The following SBNO2 variants were observed in gnomAD, a reference collection of about 807,000 sequenced individuals.
SBNO2 encodes strawberry notch homolog 2, also known as protein strawberry notch homolog 2.
Under a neutral mutation model 146.3 loss-of-function variants are expected in SBNO2, and 89 were observed. The ratio of observed to expected loss-of-function variants is 0.61; its 90% confidence interval spans 0.51 to 0.73. SBNO2 has a LOEUF of 0.73. Among genes scored for constraint, SBNO2 ranks in the 30% least tolerant of loss-of-function variants. SBNO2 has a pLI of 0.00. For missense variants in SBNO2, 2,092 were observed against 2,003.7 expected (o/e 1.04, Z -0.84); for synonymous variants, 1,147 against 892.6 (o/e 1.29, Z -5.08).
chr19:1,135,856 A>C (rs2080080316), intron 4 of SBNO2, among the ~76,000 whole-genome samples: 1 of 152,076 alleles, frequency 6.6e-6, no homozygotes, highest in Admixed American at 6.5e-5. Context: ...AGACACTGCC[A>C]GTCTTTGGTG....
At chr19:1,166,065 A>AT (rs2080418813) in intron 1 of SBNO2, among the ~76,000 whole-genome samples, 1 of 39,660 alleles carries the variant, frequency 2.5e-5, no homozygotes, top group Non-Finnish European at 5.3e-5. Flanking sequence ...CAGACCCCAG[A>AT]CCCCCAGATC....
At chr19:1,152,207 G>A (rs1337313271) in intron 2 of SBNO2, among the ~76,000 whole-genome samples, 1 of 152,172 alleles carries the variant, frequency 6.6e-6, no homozygotes, top group Non-Finnish European at 1.5e-5. Context: ...CAGCCCTGTC[G>A]CATTCCCCGA....
intron 1 of SBNO2, chr19:1,168,587 G>A (rs2080448020): frequency 1.3e-5 from 2 of 152,270 alleles, no homozygotes; most frequent in Non-Finnish European, 2.9e-5. Flanking sequence ...GCGTAGGGAG[G>A]CTGCGGTCAC....
rs536000246 is a variant in SBNO2, at chr19:1,160,131, G to A, written c.-126-5729C>T. Among the ~76,000 whole-genome samples the A allele has an allele frequency of 7.2e-5, 11 of 152,286 alleles. No homozygotes were observed. The East Asian group carries it at 7.7e-4, about 11-fold the overall frequency. On this transcript the variant is annotated intron_variant, in intron 1 of 31. Transcript: ENST00000361757. ...CTGTGGGTGCTGGTGGGCAGCTTGC[G>A]CCTGGCACCTGTTTGTGATGGGGGA...
At chr19:1,113,011 C>A in intron 19 of SBNO2, 62 bp from the exon 20 acceptor site, 6 of 1,501,292 alleles carry the variant, frequency 4.0e-6, no homozygotes, top group Non-Finnish European at 5.4e-6. Context: ...AGTCTGGCCA[C>A]CCGTGTCTCA....
chr19:1,109,705 T>G lies in SBNO2; in HGVS notation c.3101A>C (p.Asp1034Ala), dbSNP rs1309480580. The G allele has an allele frequency of 6.2e-7, 1 of 1,603,514 alleles. No individual in the cohort carries two copies. The highest frequency in any genetic ancestry group is 8.5e-7 in the Non-Finnish European group (1 of 1,174,232). Residue 1034 changes from aspartate to alanine, a missense_variant, in exon 27 of 32, where the codon GAC becomes GCC. Physicochemically the swap from Asp to Ala is moderately radical, Grantham distance 126. Coordinates refer to ENST00000361757, the MANE Select transcript of SBNO2 (RefSeq NM_014963.3). This position sits in a 1 kb window ranked among gnomAD's most constrained non-coding sequence, Gnocchi z 4.2. ...GACCTTGTAGAAGACCACCTGCCCGTCCTGCGGGTGCCCGGGAGCCAGGAA... is the reference window on the plus strand; with the variant it reads ...GACCTTGTAGAAGACCACCTGCCCGGCCTGCGGGTGCCCGGGAGCCAGGAA... Reference protein sequence around the residue: ...QVFLAPGHPQDGQVVFYKISV... With the variant: ...QVFLAPGHPQAGQVVFYKISV...
Position 1,110,352 on chromosome 19 carries a change from G to C in SBNO2, c.3028+393C>G, listed in dbSNP as rs1242698438. Among the ~76,000 whole-genome samples, 2 of 152,152 alleles carry C rather than the reference G, an allele frequency of 1.3e-5. No homozygotes were observed. Among genetic ancestry groups the C allele is most frequent in the African/African-American group, 4.8e-5 (2 of 41,414 alleles). Reference sequence around the variant, plus strand: ...TGTAGCAGGTGCCCCGTGAAGCCTGGGGATGAGCATGGTGGGCAGCGTGCA... The same window carrying C: ...TGTAGCAGGTGCCCCGTGAAGCCTGCGGATGAGCATGGTGGGCAGCGTGCA... On this transcript the variant is annotated intron_variant, in intron 26 of 31. Transcript: ENST00000361757. The surrounding 1 kb of genome is among the most constrained non-coding windows in gnomAD (Gnocchi z 4.9).
Position 1,126,343 on chromosome 19 carries a change from C to T in SBNO2, c.441+1261G>A, listed in dbSNP as rs951749190. Among the ~76,000 whole-genome samples the T allele has an allele frequency of 3.3e-5, 5 of 152,294 alleles. No individual in the cohort carries two copies. The highest frequency in any genetic ancestry group is 3.9e-4 in the East Asian group (2 of 5,180). ...TCCTGGAAGGCTGAGTCACCATTCC[C>T]GGTGGGGCTGGCGGGCATTGGGTTT... On this transcript the variant is annotated intron_variant, in intron 5 of 31. Coordinates refer to ENST00000361757, the MANE Select transcript of SBNO2 (RefSeq NM_014963.3). This position sits in a 1 kb window ranked among gnomAD's most constrained non-coding sequence, Gnocchi z 4.4.
At chr19:1,163,142 T>A (rs941869455) in intron 1 of SBNO2, among the ~76,000 whole-genome samples, 34 of 152,212 alleles carry the variant, frequency 2.2e-4, no homozygotes, top group Non-Finnish European at 8.8e-5. Flanking sequence ...TACCCGCACC[T>A]GTGGGTGGGG....
intron 11 of SBNO2, among the ~76,000 whole-genome samples, chr19:1,121,277 C>A (rs965912768): frequency 6.6e-6 from 1 of 152,200 alleles, no homozygotes; most frequent in Non-Finnish European, 1.5e-5. Context: ...ATTAAACGGC[C>A]GGCCCTGCCG....
At chr19:1,148,233 G>A (rs1018646428) in intron 3 of SBNO2, among the ~76,000 whole-genome samples, 10 of 151,740 alleles carry the variant, frequency 6.6e-5, no homozygotes, top group East Asian at 1.9e-4. Context: ...GGCAGGGACC[G>A]CCTGGGGGCC....
In SBNO2 at chr19:1,150,886, G is replaced by A. The variant is rs560642410; in HGVS notation, c.94-1444C>T. On this transcript the variant is annotated intron_variant, in intron 2 of 31. Coordinates refer to ENST00000361757, the MANE Select transcript of SBNO2 (RefSeq NM_014963.3). The surrounding 1 kb of genome is among the most constrained non-coding windows in gnomAD (Gnocchi z 6.2). Reference sequence around the variant, plus strand: ...GCCTCGAGATAGGCAAAGCCCTCGGGGTGACCGCTGCCCCGCTCCTCCAGC... The same window carrying A: ...GCCTCGAGATAGGCAAAGCCCTCGGAGTGACCGCTGCCCCGCTCCTCCAGC... Among the ~76,000 whole-genome samples, 1 of 152,282 alleles carries A rather than the reference G, an allele frequency of 6.6e-6. No homozygotes were observed. The highest frequency in any genetic ancestry group is 6.5e-5 in the Admixed American group (1 of 15,302).
chr19:1,107,690 G>T lies in SBNO2; in HGVS notation c.*530C>A, dbSNP rs1043870. 2 of 152,768 alleles carry T rather than the reference G, an allele frequency of 1.3e-5. No homozygotes were observed. Among genetic ancestry groups the T allele is most frequent in the African/African-American group, 4.8e-5 (2 of 41,466 alleles). The allele number at this position is 152,768 out of a possible 1,614,324, so 9.5% of individuals were successfully genotyped here. A position where few individuals can be genotyped will look rare whatever the true frequency, so the allele number is the denominator to read the frequency against. On this transcript the variant is annotated 3_prime_UTR_variant, in exon 32 of 32. Coordinates refer to ENST00000361757, the MANE Select transcript of SBNO2 (RefSeq NM_014963.3). ...AAAAGTCCTTTACATATGTACATCA[G>T]AACTTGCTATAAATACATAGAAACC...
chr19:1,142,206 C>CCTT lies in SBNO2; in HGVS notation c.279+5102_279+5103insAAG, dbSNP rs151006371. On this transcript the variant is annotated intron_variant, in intron 4 of 31. Transcript: ENST00000361757. The stretch of plus-strand genomic sequence containing the variant: ...ATGATCAACCCTCACTCAATGACCT[C>CCTT]CCTCATGATCAACCCTCCCTCAATG... Among the ~76,000 whole-genome samples the CCTT allele has an allele frequency of 0.049, 43 of 870 alleles. No individual in the cohort carries two copies. In the East Asian group the frequency reaches 0.5, roughly 10 times the overall value. The allele number at this position is 870 out of a possible 152,430, so 0.6% of individuals were successfully genotyped here. A position where few individuals can be genotyped will look rare whatever the true frequency, so the allele number is the denominator to read the frequency against.
rs751674389 is a variant in SBNO2, at chr19:1,108,828, G to C, written c.3567C>G (p.Ser1189Arg). The C allele has an allele frequency of 1.2e-6, 2 of 1,600,614 alleles. No homozygotes were observed. The highest frequency in any genetic ancestry group is 1.7e-6 in the Non-Finnish European group (2 of 1,178,328). The stretch of plus-strand genomic sequence containing the variant: ...TCTTCAGCCGCACGATCTGCAGGTA[G>C]CTGCTGCTGCTGACGTCGGCCATGA... ...AAVMADVSSSSYLQIVRLKTK... is the reference protein window; with the variant it reads ...AAVMADVSSSRYLQIVRLKTK... Residue 1189 changes from serine to arginine, a missense_variant, in exon 31 of 32, where the codon AGC becomes AGG. By Grantham distance (110) the Ser-to-Arg change is moderately radical. Transcript: ENST00000361757.
chr19:1,116,103 T>C lies in SBNO2; in HGVS notation c.1803A>G (p.Glu601=). The C allele has an allele frequency of 6.2e-7, 1 of 1,606,500 alleles. No individual in the cohort carries two copies. Among genetic ancestry groups the C allele is most frequent in the Middle Eastern group, 1.7e-4 (1 of 5,886 alleles). ...TCTGAATTAGCGACAGGAACACGCC[T>C]CTGAAAGTGAGACGCGGAGTTTATT... ...GHLNCFVSAA[E]GVFLSLIQKH... is the part of the protein sequence containing the mutation. Residue 601 remains glutamate (E), a splice_region_variant and synonymous_variant, in exon 17 of 32, where the codon GAA becomes GAG. Coordinates refer to ENST00000361757, the MANE Select transcript of SBNO2 (RefSeq NM_014963.3).
chr19:1,116,824 C>G lies in SBNO2; in HGVS notation c.1802+5G>C. On this transcript the variant is annotated splice_donor_5th_base_variant and intron_variant, in intron 16 of 31. Coordinates refer to ENST00000361757, the MANE Select transcript of SBNO2 (RefSeq NM_014963.3). ...CCACAGTCCTGTCCCCACCGTGACA[C>G]TTACTCAGCGGCCGAGACGAAGCAG... 6.3e-7 allele frequency: 1 copy of G among 1,583,878 alleles called. No homozygotes were observed. Among genetic ancestry groups the G allele is most frequent in the Non-Finnish European group, 8.6e-7 (1 of 1,166,272 alleles).
At chr19:1,165,193 C>T (rs190973091) in intron 1 of SBNO2, among the ~76,000 whole-genome samples, 4 of 152,254 alleles carry the variant, frequency 2.6e-5, no homozygotes, top group Admixed American at 2.0e-4. Context: ...CTGACCCCGC[C>T]GTCAGGAGCT....
intron 5 of SBNO2, among the ~76,000 whole-genome samples, chr19:1,125,679 A>C (rs1309202170): frequency 6.6e-6 from 1 of 151,816 alleles, no homozygotes; most frequent in Admixed American, 6.6e-5. Flanking sequence ...CTGTCTTAAA[A>C]AAAGAAAAAA....
Sources: allele counts gnomAD v4.1 joint callset (sites outside exome capture counted in the v4.1 genomes callset), GRCh38; gene constraint gnomAD v4.1.1; non-coding constraint Gnocchi (gnomAD v3.1); transcripts MANE v1.5; gene names NCBI Gene and HGNC (gene_info 2026-07-23, HGNC 2026-07-21).